The following RALGDS variants were observed in gnomAD, a reference collection of about 807,000 sequenced individuals.
The protein encoded by RALGDS is ral guanine nucleotide exchange factor.
A neutral mutation model predicts 99.8 loss-of-function variants in RALGDS; 44 were observed. That is an observed-to-expected ratio of 0.44 (90% confidence interval 0.35 to 0.57). The LOEUF (loss-of-function observed/expected upper bound fraction) is 0.57, where lower values mean the gene tolerates loss of function less well. Ranked by LOEUF, RALGDS falls within the 20% of genes least tolerant of loss-of-function variation. The pLI is 0.01. For missense variants in RALGDS, 1,022 were observed against 1,203.1 expected, an observed-to-expected ratio of 0.85 and a Z score of 2.23; for synonymous variants, 529 against 505.0, an observed-to-expected ratio of 1.05 and a Z score of -0.64.
At chr9:133,103,161 T>G in intron 12 of RALGDS, 69 bp downstream of exon 12, 4 of 1,584,734 alleles carry the variant, frequency 2.5e-6, no homozygotes, top group Non-Finnish European at 3.5e-6. Context: ...GGGTAGGAGT[T>G]GAAATGTCCT....
At chr9:133,103,368 G>A (rs545517060) in intron 11 of RALGDS, 106 bp from the exon 12 acceptor site, 35 of 1,390,568 alleles carry the variant, frequency 2.5e-5, no homozygotes, top group Middle Eastern at 3.5e-4. Context: ...GGCAGGGCAC[G>A]CACACCCCTG....
intron 2 of RALGDS, among the ~76,000 whole-genome samples, chr9:133,111,288 G>A (rs1036346619): frequency 7.2e-5 from 11 of 152,180 alleles, no homozygotes; most frequent in Non-Finnish European, 1.0e-4. Flanking sequence ...CATCTTCCCC[G>A]TGGCACTGTT....
intron 3 of RALGDS, 143 bp from the exon 4 acceptor site, chr9:133,109,864 A>G (rs1831254777): frequency 2.8e-6 from 2 of 710,008 alleles, no homozygotes; most frequent in South Asian, 1.6e-5. Context: ...TGCTTCATAT[A>G]TATTTGTTCA....
intron 1 of RALGDS, chr9:133,129,118 C>G: frequency 6.3e-7 from 1 of 1,576,006 alleles, no homozygotes; most frequent in Non-Finnish European, 8.6e-7. Flanking sequence ...GGCAGAGGCA[C>G]TGGTTGCCCT....
chr9:133,125,012 A>C (rs973442900), upstream of RALGDS, among the ~76,000 whole-genome samples: 10 of 152,264 alleles, frequency 6.6e-5, no homozygotes, highest in African/African-American at 2.4e-4. Flanking sequence ...TGGGACAAAC[A>C]ACCCAGTTTC....
chr9:133,139,197 C>T (rs1030215056), intron 1 of RALGDS, among the ~76,000 whole-genome samples: 1 of 152,218 alleles, frequency 6.6e-6, no homozygotes, highest in African/African-American at 2.4e-5. Context: ...CCCACCGCAT[C>T]CCACAGCACA....
In RALGDS at chr9:133,130,902, A is replaced by C. The variant is rs1223759231; in HGVS notation, c.132+50T>G. On this transcript the variant is annotated intron_variant, in intron 1 of 17. Coordinates refer to the RALGDS transcript ENST00000372062. ...ACTCAGAGCCCCAACCCCAAAGCCC[A>C]GAGATGCCAGGGCGAAGTCAGAGGC... 4.1e-6 allele frequency: 6 copies of C among 1,478,436 alleles called. No individual in the cohort carries two copies. The Admixed American group carries it at 7.9e-5, about 19-fold the overall frequency. 91.6% of individuals were successfully genotyped at this position (1,478,436 alleles called of 1,614,324 possible). A position where few individuals can be genotyped will look rare whatever the true frequency, so the allele number is the denominator to read the frequency against.
chr9:133,146,541 C>T (rs988228191), intron 1 of RALGDS, among the ~76,000 whole-genome samples: 3 of 152,158 alleles, frequency 2.0e-5, no homozygotes, highest in Non-Finnish European at 2.9e-5. Context: ...GACACTGTCC[C>T]AGGCAGCCTC....
Position 133,098,404 on chromosome 9 carries a change from A to T in RALGDS, c.*183T>A. 1 of 658,778 alleles carries T rather than the reference A, an allele frequency of 1.5e-6. No homozygotes were observed. Among genetic ancestry groups the T allele is most frequent in the Non-Finnish European group, 2.6e-6 (1 of 380,332 alleles). 40.8% of individuals were successfully genotyped at this position (658,778 alleles called of 1,614,324 possible). A position where few individuals can be genotyped will look rare whatever the true frequency, so the allele number is the denominator to read the frequency against. On this transcript the variant is annotated 3_prime_UTR_variant, in exon 18 of 18. Coordinates refer to ENST00000372050, the MANE Select transcript of RALGDS (RefSeq NM_006266.4). Reference sequence around the variant, plus strand: ...AGGCACCTAAGGCAGCGAGTGGTCCACGGGAGGCCAGGTCAGCCTGACCAA... The same window carrying T: ...AGGCACCTAAGGCAGCGAGTGGTCCTCGGGAGGCCAGGTCAGCCTGACCAA...
intron 8 of RALGDS, among the ~76,000 whole-genome samples, chr9:133,106,287 G>T (rs1277304699): frequency 6.6e-6 from 1 of 152,056 alleles, no homozygotes; most frequent in African/African-American, 2.4e-5. Context: ...GGAGTGCAGT[G>T]GCCAGATGTC....
At chr9:133,112,206 C>A in intron 1 of RALGDS, 54 bp from the exon 2 acceptor site, 3 of 1,247,880 alleles carry the variant, frequency 2.4e-6, no homozygotes, top group Non-Finnish European at 2.3e-6. Flanking sequence ...GCCTGCCTGG[C>A]CACCGTGCAG....
In RALGDS at chr9:133,098,563, C is replaced by T. The variant is rs370328313; in HGVS notation, c.*24G>A. On this transcript the variant is annotated 3_prime_UTR_variant, in exon 18 of 18. Coordinates refer to ENST00000372050, the MANE Select transcript of RALGDS (RefSeq NM_006266.4). ...GGTCCATAAGTGCTTGGCTACCAGC[C>T]AGCCAGACCCTGGGAGGATGCCCTC... 52 of 1,613,130 alleles carry T rather than the reference C, an allele frequency of 3.2e-5. No homozygotes were observed. The highest frequency in any genetic ancestry group is 3.1e-5 in the Non-Finnish European group (37 of 1,179,848).
At chr9:133,147,571 G>A (rs1392231548) in intron 1 of RALGDS, among the ~76,000 whole-genome samples, 2 of 152,202 alleles carry the variant, frequency 1.3e-5, no homozygotes, top group Admixed American at 1.3e-4. Flanking sequence ...ATTGTGGAGA[G>A]GGATGCTAGT....
Position 133,120,960 on chromosome 9 carries a change from C to T in RALGDS, c.183+12G>A, listed in dbSNP as rs1369079190. The T allele has an allele frequency of 6.8e-7, 1 of 1,480,288 alleles. No homozygotes were observed. The highest frequency in any genetic ancestry group is 8.9e-7 in the Non-Finnish European group (1 of 1,120,986). The allele number at this position is 1,480,288 out of a possible 1,614,324, so 91.7% of individuals were successfully genotyped here. A position where few individuals can be genotyped will look rare whatever the true frequency, so the allele number is the denominator to read the frequency against. ...CGACGCACCCCCCGCCCGACCGCCC[C>T]AGCTCACCCACCTCCGGGCGCGGCA... On this transcript the variant is annotated intron_variant, in intron 1 of 17. Coordinates refer to ENST00000372050, the MANE Select transcript of RALGDS (RefSeq NM_006266.4).
At chr9:133,139,137 G>A (rs936966487) in intron 1 of RALGDS, among the ~76,000 whole-genome samples, 1 of 152,172 alleles carries the variant, frequency 6.6e-6, no homozygotes, top group Non-Finnish European at 1.5e-5. Flanking sequence ...GTCACCCAAA[G>A]GCAGAGAGAT....
Position 133,102,820 on chromosome 9 carries a change from C to T in RALGDS, c.1872G>A (p.Gly624=). 2 of 1,613,574 alleles carry T rather than the reference C, an allele frequency of 1.2e-6. No individual in the cohort carries two copies. The highest frequency in any genetic ancestry group is 1.7e-6 in the Non-Finnish European group (2 of 1,179,988). ...NYSIAPDEQF[G]AWFRAVERLS... is the part of the protein sequence containing the mutation. ...GCCGCTCCACGGCCCGGAACCAGGC[C>T]CCAAATTGCTCATCTGGCGCGATGC... Residue 624 remains glycine (G), a synonymous_variant, in exon 13 of 18, where the codon GGG becomes GGA. Transcript: ENST00000372050.
At chr9:133,102,453 A>C in intron 14 of RALGDS, 23 bp downstream of exon 14, 6 of 1,609,300 alleles carry the variant, frequency 3.7e-6, no homozygotes, top group Non-Finnish European at 5.1e-6. Flanking sequence ...AGCTGCCCCT[A>C]CCACCCTTGG....
intron 1 of RALGDS, among the ~76,000 whole-genome samples, chr9:133,127,356 C>T (rs1300676917): frequency 6.6e-5 from 10 of 152,244 alleles, no homozygotes; most frequent in Admixed American, 3.3e-4. Context: ...TGGCCAAGGC[C>T]GGGAGGAATG....
chr9:133,129,353 C>A, intron 1 of RALGDS: 1 of 1,533,736 alleles, frequency 6.5e-7, no homozygotes. Context: ...GTGGGCCCTG[C>A]GGGAGGCCCT....
Sources: gnomAD v4.1 joint callset for allele counts (sites outside exome capture counted in the v4.1 genomes callset) on GRCh38, gnomAD v4.1.1 for gene constraint, MANE v1.5 for transcripts, NCBI Gene and HGNC (gene_info 2026-07-23, HGNC 2026-07-21) for gene names.